The following GRIK4 variants were observed in gnomAD, a reference collection of about 807,000 sequenced individuals.
GRIK4 encodes the protein glutamate receptor ionotropic, kainate 4.
Under a neutral mutation model 104.9 loss-of-function variants are expected in GRIK4, and 40 were observed. The ratio of observed to expected loss-of-function variants is 0.38; its 90% CI spans 0.30 to 0.50. GRIK4 has a LOEUF of 0.50. Among genes scored for constraint, GRIK4 ranks in the 20% least tolerant of loss-of-function variants. GRIK4 has a pLI of 0.93. For synonymous variants in GRIK4, 485 were observed against 524.9 expected (o/e 0.92, Z 1.04); for missense variants, 1,047 against 1,308.1 (o/e 0.80, Z 3.08).
intron 1 of GRIK4, chr11:120,620,010 A>C: frequency 8.2e-6 from 4 of 489,330 alleles, no homozygotes; most frequent in Non-Finnish European, 1.1e-5. Context: ...ATCTCGGTGG[A>C]GCTGTTAGCG....
chr11:120,940,300 C>T lies in GRIK4; in HGVS notation c.1477-47C>T. On this transcript the variant is annotated intron_variant, in intron 13 of 20. Transcript: ENST00000527524. The surrounding 1 kb of genome is among the most constrained non-coding windows in gnomAD (Gnocchi z 4.3). ...TTGCTGGTCGCAAGTCTCTGTGCCT[C>T]TTCTCCTATGGCCACCCCACTGACG... 1 of 1,196,488 alleles carries T rather than the reference C, an allele frequency of 8.4e-7. No homozygotes were observed. The highest frequency in any genetic ancestry group is 1.2e-6 in the Non-Finnish European group (1 of 809,006). 74.1% of individuals were successfully genotyped at this position (1,196,488 alleles called of 1,614,324 possible). A position where few individuals can be genotyped will look rare whatever the true frequency, so the allele number is the denominator to read the frequency against.
chr11:120,867,058 T>A (rs181568070), intron 9 of GRIK4, among the ~76,000 whole-genome samples: 3 of 152,160 alleles, frequency 2.0e-5, no homozygotes, highest in Non-Finnish European at 4.4e-5. Flanking sequence ...CACTCCAATA[T>A]AACCTGGAGT....
At chr11:120,854,029 A>G (rs1052494772) in intron 8 of GRIK4, among the ~76,000 whole-genome samples, 1 of 152,266 alleles carries the variant, frequency 6.6e-6, no homozygotes, top group Non-Finnish European at 1.5e-5. Flanking sequence ...GTGAAAATGA[A>G]TAAAACCTGT....
At chr11:120,888,131 A>T (rs1955173101) in intron 11 of GRIK4, among the ~76,000 whole-genome samples, 1 of 152,210 alleles carries the variant, frequency 6.6e-6, no homozygotes, top group Non-Finnish European at 1.5e-5. Context: ...GGCCACCTTC[A>T]AGGATATGGG....
chr11:120,594,388 G>A (rs975097754), intron 1 of GRIK4, among the ~76,000 whole-genome samples: 4 of 152,204 alleles, frequency 2.6e-5, no homozygotes, highest in African/African-American at 9.7e-5. Context: ...GAGGTGGGAG[G>A]ATCGCCTGAG....
At chr11:120,935,217 C>T (rs1164030716) in intron 13 of GRIK4, among the ~76,000 whole-genome samples, 6 of 152,190 alleles carry the variant, frequency 3.9e-5, no homozygotes, top group East Asian at 1.9e-4. Flanking sequence ...CTATTCCAGA[C>T]GGTGGAATAA....
chr11:120,859,251 G>A (rs1283329271), intron 8 of GRIK4: 3 of 152,142 alleles, frequency 2.0e-5, no homozygotes, highest in African/African-American at 7.2e-5. Flanking sequence ...TTGCCAAATA[G>A]GAGGCTAAGC....
intron 4 of GRIK4, among the ~76,000 whole-genome samples, chr11:120,808,638 TC>T (rs1457630390): frequency 6.6e-6 from 1 of 152,188 alleles, no homozygotes; most frequent in Non-Finnish European, 1.5e-5. Context: ...ATCCATTTAG[TC>T]CCCTGTCTAC....
intron 14 of GRIK4, among the ~76,000 whole-genome samples, chr11:120,950,007 G>A (rs1351334101): frequency 6.6e-6 from 1 of 152,188 alleles, no homozygotes; most frequent in Non-Finnish European, 1.5e-5. Context: ...CACCTGATTT[G>A]CCCCAAGCGC....
intron 2 of GRIK4, among the ~76,000 whole-genome samples, chr11:120,657,234 CCT>C (rs1198762174): frequency 2.0e-5 from 3 of 152,186 alleles, no homozygotes; most frequent in Non-Finnish European, 4.4e-5. Context: ...CCTTGCCCCA[CCT>C]CTATTGAGCT....
Position 120,513,331 on chromosome 11 carries a change from G to A in GRIK4, c.-159+1444G>A, listed in dbSNP as rs556209317. Among the ~76,000 whole-genome samples, 15 of 152,220 alleles carry A rather than the reference G, an allele frequency of 9.9e-5. No individual in the cohort carries two copies. The highest frequency in any genetic ancestry group is 7.8e-4 in the East Asian group (4 of 5,148). Reference sequence around the variant, plus strand: ...CGTGGTATCTCCGGGGAGAGAGGCCGCCTGGGTTGGTAGTGGGCATCTGAG... The same window carrying A: ...CGTGGTATCTCCGGGGAGAGAGGCCACCTGGGTTGGTAGTGGGCATCTGAG... On this transcript the variant is annotated intron_variant, in intron 1 of 20. Transcript: ENST00000527524. This position sits in a 1 kb window ranked among gnomAD's most constrained non-coding sequence, Gnocchi z 4.5.
At chr11:120,640,610 G>T (rs1949457824) in intron 1 of GRIK4, among the ~76,000 whole-genome samples, 1 of 152,132 alleles carries the variant, frequency 6.6e-6, no homozygotes, top group African/African-American at 2.4e-5. Flanking sequence ...AAAATTCCAA[G>T]CTGCCATGTA....
chr11:120,708,408 T>C (rs1384493495), intron 3 of GRIK4, among the ~76,000 whole-genome samples: 2 of 151,766 alleles, frequency 1.3e-5, no homozygotes, highest in African/African-American at 4.8e-5. Flanking sequence ...TCCACAGAGG[T>C]CCCTAATGAA....
chr11:120,882,798 T>G (rs529726226), intron 11 of GRIK4, among the ~76,000 whole-genome samples: 1 of 152,258 alleles, frequency 6.6e-6, no homozygotes, highest in African/African-American at 2.4e-5. Flanking sequence ...GGATGACAGG[T>G]GCTGGGTGCT....
chr11:120,827,761 C>G (rs1259997509), intron 6 of GRIK4, among the ~76,000 whole-genome samples: 2 of 152,202 alleles, frequency 1.3e-5, no homozygotes, highest in African/African-American at 4.8e-5. Flanking sequence ...AAGACATCAA[C>G]GTTTTACTAG....
chr11:120,663,917 T>C (rs1949861237), intron 3 of GRIK4, among the ~76,000 whole-genome samples: 2 of 152,318 alleles, frequency 1.3e-5, no homozygotes, highest in South Asian at 4.1e-4. Context: ...ATCTTTTTCC[T>C]ACCATTCCCC....
intron 3 of GRIK4, among the ~76,000 whole-genome samples, chr11:120,738,531 C>T (rs1355824891): frequency 2.0e-5 from 3 of 152,196 alleles, no homozygotes; most frequent in South Asian, 2.1e-4. Flanking sequence ...AGTCCATCAC[C>T]GTTCATCCCC....
At chr11:120,907,630 A>T (rs1371980623) in intron 13 of GRIK4, among the ~76,000 whole-genome samples, 1 of 152,194 alleles carries the variant, frequency 6.6e-6, no homozygotes, top group Non-Finnish European at 1.5e-5. Context: ...GATCTTCTGG[A>T]CTAGTGAGTG....
At chr11:120,918,203 T>G (rs1943151959) in intron 13 of GRIK4, among the ~76,000 whole-genome samples, 1 of 152,134 alleles carries the variant, frequency 6.6e-6, no homozygotes, top group South Asian at 2.1e-4. Context: ...CCACCCAGAC[T>G]GAGAAATCCA....
Sources: allele counts gnomAD v4.1 joint callset (sites outside exome capture counted in the v4.1 genomes callset), GRCh38; gene constraint gnomAD v4.1.1; non-coding constraint Gnocchi (gnomAD v3.1); transcripts MANE v1.5; gene names NCBI Gene and HGNC (gene_info 2026-07-23, HGNC 2026-07-21).